COL27A1: variants seen among roughly 807,000 people sequenced by gnomAD.
COL27A1 encodes the protein collagen alpha-1(XXVII) chain.
In COL27A1, 106 loss-of-function variants were observed where a neutral mutation model predicts 251.3. That is an observed-to-expected ratio of 0.42 (90% confidence interval 0.36 to 0.50). The LOEUF is 0.50. Ranked by LOEUF, COL27A1 falls within the 20% of genes least tolerant of loss-of-function variation. The probability of loss-of-function intolerance (pLI) is 0.00; values close to 1 mark genes in which losing one functional copy is unlikely to be tolerated. For synonymous variants in COL27A1, 1,000 were observed against 986.3 expected (o/e 1.01, Z -0.26); for missense variants, 2,325 against 2,522.8 (o/e 0.92, Z 1.68).
intron 5 of COL27A1, among the ~76,000 whole-genome samples, chr9:114,193,233 G>A (rs1383863029): frequency 6.6e-6 from 1 of 152,190 alleles, no homozygotes; most frequent in Non-Finnish European, 1.5e-5. Context: ...AGGGTGGACT[G>A]ACTTTCCACA....
intron 4 of COL27A1, among the ~76,000 whole-genome samples, chr9:114,182,464 A>G (rs1828005417): frequency 6.6e-6 from 1 of 151,896 alleles, no homozygotes; most frequent in Admixed American, 6.6e-5. Context: ...AGGATGGATC[A>G]GGTTTCAAGC....
chr9:114,258,482 C>A (rs1291110162), intron 27 of COL27A1, 59 bp from the exon 28 acceptor site: 49 of 1,525,556 alleles, frequency 3.2e-5, no homozygotes, highest in Non-Finnish European at 4.3e-5. Flanking sequence ...CTCCCAGCCC[C>A]CCGTGTTGCT....
chr9:114,183,289 C>T (rs1018778228), intron 5 of COL27A1, among the ~76,000 whole-genome samples: 13 of 152,290 alleles, frequency 8.5e-5, no homozygotes, highest in South Asian at 2.1e-4. Flanking sequence ...TTGGGAGAGT[C>T]GGGCAGTTGG....
At chr9:114,212,593 G>T (rs1323233276) in intron 12 of COL27A1, among the ~76,000 whole-genome samples, 1 of 152,218 alleles carries the variant, frequency 6.6e-6, no homozygotes, top group Non-Finnish European at 1.5e-5. Context: ...AGTCCAGAAA[G>T]TCTCCCTCGC....
In COL27A1 at chr9:114,167,835, T is replaced by C. The variant is rs755425920; in HGVS notation, c.280T>C (p.Leu94=). ...CACGGGCACCGTCATTCCTGCCGCC[T>C]TGGGCACAGAGCTGGCACTGGTGCT... ...APTGTVIPAA[L]GTELALVLSL... Residue 94 remains leucine, a synonymous_variant, in exon 3 of 61, where the codon TTG becomes CTG. Transcript: ENST00000356083. The C allele has an allele frequency of 6.2e-7, 1 of 1,613,518 alleles. No individual in the cohort carries two copies. The highest frequency in any genetic ancestry group is 8.5e-7 in the Non-Finnish European group (1 of 1,179,980).
At chr9:114,159,739 G>A (rs958477330) in intron 1 of COL27A1, among the ~76,000 whole-genome samples, 4 of 152,210 alleles carry the variant, frequency 2.6e-5, no homozygotes, top group South Asian at 2.1e-4. Context: ...TTCCTAGAAA[G>A]CATGTCCCTG....
At chr9:114,154,134 C>T (rs58564355), upstream of COL27A1, among the ~76,000 whole-genome samples, 2,009 of 152,196 alleles carry the variant, frequency 0.013, 52 homozygotes, top group African/African-American at 0.046. The surrounding 1 kb of genome is among the most constrained non-coding windows in gnomAD (Gnocchi z 5.8). Flanking sequence ...GGAGCCCGCG[C>T]CGGAGCCCGT....
At chr9:114,304,547 CTTG>C in intron 56 of COL27A1, 58 bp from the exon 57 acceptor site, 1 of 1,534,530 alleles carries the variant, frequency 6.5e-7, no homozygotes, top group Non-Finnish European at 9.0e-7. Flanking sequence ...GGGGCTCCCA[CTTG>C]ATGGGTGTGG....
At position 114,250,746 on chromosome 9, in the gene COL27A1, A is replaced by G. The variant is rs1286813360; in HGVS notation, c.3033+78A>G. ...TGTAAAAAGGTGAAGAGGCCCTTTG[A>G]CCTGGGGATTTCAGAATACCCTCCC... On this transcript the variant is annotated intron_variant, in intron 25 of 60. Transcript: ENST00000356083. The G allele has an allele frequency of 3.7e-6, 5 of 1,337,902 alleles. No homozygotes were observed. The African/African-American group carries it at 5.8e-5, about 15-fold the overall frequency. 82.9% of individuals were successfully genotyped at this position (1,337,902 alleles called of 1,614,324 possible). A position where few individuals can be genotyped will look rare whatever the true frequency, so the allele number is the denominator to read the frequency against.
At chr9:114,304,469 G>C (rs1588901672) in intron 56 of COL27A1, 139 bp from the exon 57 acceptor site, 2 of 715,864 alleles carry the variant, frequency 2.8e-6, no homozygotes, top group East Asian at 5.3e-5. Context: ...TCTGCAAAGA[G>C]AGGAAGGACC....
At chr9:114,261,867 T>C (rs756345247) in intron 28 of COL27A1, among the ~76,000 whole-genome samples, 7 of 152,240 alleles carry the variant, frequency 4.6e-5, no homozygotes, top group Middle Eastern at 3.2e-3. Context: ...TTTCTGTCCC[T>C]GTGAAAGGAG....
At position 114,202,045 on chromosome 9, in the gene COL27A1, T is replaced by C. The variant is rs185842344; in HGVS notation, c.2125-3057T>C. The stretch of plus-strand genomic sequence containing the variant: ...GGTAATTTCTGCCTCCTAGGAGTGA[T>C]AGCAAGGAGTCCATGAACTGATATG... On this transcript the variant is annotated intron_variant, in intron 7 of 60. Coordinates refer to ENST00000356083, the MANE Select transcript of COL27A1 (RefSeq NM_032888.4). 3.6e-4 allele frequency among the ~76,000 whole-genome samples: 55 copies of C among 152,322 alleles called. No individual in the cohort carries two copies. In the South Asian group the frequency reaches 3.7e-3, roughly 10 times the overall value.
intron 49 of COL27A1, among the ~76,000 whole-genome samples, chr9:114,295,768 C>T (rs1224118089): frequency 6.6e-6 from 1 of 152,162 alleles, no homozygotes. Flanking sequence ...AGTGATTCTC[C>T]TGCTTCAGCC....
chr9:114,269,227 TCGGCTTCTC>T lies in COL27A1; in HGVS notation c.3502-12_3502-4del. ...CCTACCCACCCGCAAGGACTTTTGT[TCGGCTTCTC>T]CTAGGGTGACCTTGGACCCCTGGGC... is the stretch of plus-strand genomic sequence containing the variant. On this transcript the variant is annotated splice_region_variant and splice_polypyrimidine_tract_variant and intron_variant, in intron 34 of 60. Coordinates refer to ENST00000356083, the MANE Select transcript of COL27A1 (RefSeq NM_032888.4). The T allele has an allele frequency of 6.3e-7, 1 of 1,577,454 alleles. No individual in the cohort carries two copies. Among genetic ancestry groups the T allele is most frequent in the African/African-American group, 1.4e-5 (1 of 73,462 alleles).
chr9:114,286,779 A>T (rs1226080294), intron 41 of COL27A1, among the ~76,000 whole-genome samples: 2 of 152,182 alleles, frequency 1.3e-5, no homozygotes, highest in Non-Finnish European at 2.9e-5. Context: ...CCCAGACTAC[A>T]GTCACATTGC....
intron 5 of COL27A1, among the ~76,000 whole-genome samples, chr9:114,191,670 T>C (rs895667850): frequency 1.3e-5 from 2 of 152,264 alleles, no homozygotes; most frequent in African/African-American, 4.8e-5. Flanking sequence ...CTATCACTGA[T>C]GCGCATTTAG....
intron 1 of COL27A1, among the ~76,000 whole-genome samples, chr9:114,162,003 G>A (rs1848526454): frequency 6.6e-6 from 1 of 152,218 alleles, no homozygotes; most frequent in South Asian, 2.1e-4. Context: ...GATAAGACAG[G>A]CTCAGAGAGG....
chr9:114,301,630 G>C, intron 54 of COL27A1, 52 bp from the exon 55 acceptor site: 2 of 1,561,158 alleles, frequency 1.3e-6, no homozygotes, highest in Non-Finnish European at 1.7e-6. Flanking sequence ...GGGTTGGGGA[G>C]AGATGAAGAC....
chr9:114,233,714 T>G (rs1384127995), intron 16 of COL27A1, among the ~76,000 whole-genome samples: 1 of 152,190 alleles, frequency 6.6e-6, no homozygotes, highest in Non-Finnish European at 1.5e-5. Context: ...TACATGGAAC[T>G]CGGCTGGCTT....
Sources: allele counts gnomAD v4.1 joint callset (sites outside exome capture counted in the v4.1 genomes callset), GRCh38; gene constraint gnomAD v4.1.1; non-coding constraint Gnocchi (gnomAD v3.1); transcripts MANE v1.5; gene names NCBI Gene and HGNC (gene_info 2026-07-23, HGNC 2026-07-21).